The following SPSB1 variants were observed in gnomAD, a reference collection of about 807,000 sequenced individuals.
SPSB1 encodes splA/ryanodine receptor domain and SOCS box containing 1.
Under a neutral mutation model 21.2 loss-of-function variants are expected in SPSB1, and 8 were observed. The ratio of observed to expected loss-of-function variants is 0.38; its 90% CI spans 0.22 to 0.68. The LOEUF (loss-of-function observed/expected upper bound fraction) is 0.68. Ranked by LOEUF, SPSB1 falls within the 30% of genes least tolerant of loss-of-function variation. The probability of loss-of-function intolerance (pLI) is 0.53; values close to 1 mark genes in which losing one functional copy is unlikely to be tolerated. For missense variants in SPSB1, 242 were observed against 377.8 expected (o/e 0.64, Z 2.98); for synonymous variants, 169 against 161.7 (o/e 1.05, Z -0.34).
At chr1:9,351,550 G>A (rs1436203119) in intron 1 of SPSB1, 3 of 152,216 alleles carry the variant, frequency 2.0e-5, no homozygotes, top group African/African-American at 4.8e-5. Context: ...CGGCGCATGA[G>A]CTTGGAAGCT....
chr1:9,342,717 C>T (rs898698211), intron 1 of SPSB1, among the ~76,000 whole-genome samples: 1 of 152,234 alleles, frequency 6.6e-6, no homozygotes, highest in African/African-American at 2.4e-5. Context: ...GATGCAGGCA[C>T]ACATCCCGGA....
chr1:9,350,421 G>C (rs1640237862), intron 1 of SPSB1, among the ~76,000 whole-genome samples: 1 of 152,248 alleles, frequency 6.6e-6, no homozygotes, highest in East Asian at 1.9e-4. Context: ...GGTGACTAAT[G>C]CAAGAGTGTG....
chr1:9,353,719 G>A (rs1008325642), intron 1 of SPSB1, among the ~76,000 whole-genome samples: 1 of 152,102 alleles, frequency 6.6e-6, no homozygotes, highest in African/African-American at 2.4e-5. Flanking sequence ...AGGAGTTCGA[G>A]ACCAGCCTGG....
intron 1 of SPSB1, among the ~76,000 whole-genome samples, chr1:9,334,990 G>T (rs979026217): frequency 2.0e-5 from 3 of 152,170 alleles, no homozygotes; most frequent in African/African-American, 7.2e-5. Flanking sequence ...TGTGAACAAT[G>T]CTGCTATGAA....
intron 1 of SPSB1, among the ~76,000 whole-genome samples, chr1:9,354,163 G>A (rs12727816): frequency 0.15 from 22,358 of 152,102 alleles, 1,825 homozygotes; most frequent in South Asian, 0.23. Flanking sequence ...CATACTGAAG[G>A]GGGAGGCCAG....
rs946354128 is a variant in SPSB1 at position 9,345,097 on chromosome 1, T to A, written c.-149-10646T>A. Among the ~76,000 whole-genome samples, 3 of 152,040 alleles carry A rather than the reference T, an allele frequency of 2.0e-5. No individual in the cohort carries two copies. The highest frequency in any genetic ancestry group is 7.2e-5 in the African/African-American group (3 of 41,402). On this transcript the variant is annotated intron_variant, in intron 1 of 2. Coordinates refer to ENST00000328089, the MANE Select transcript of SPSB1 (RefSeq NM_025106.4). This position sits in a 1 kb window ranked among gnomAD's most constrained non-coding sequence, Gnocchi z 4.8. ...GGCCAGGCAGCCCTGAACTCTGGAG[T>A]CCCACAGGAGGCTAGGCTGGAGCGA...
At chr1:9,302,900 G>A (rs577685) in intron 1 of SPSB1, among the ~76,000 whole-genome samples, 74,418 of 151,926 alleles carry the variant, frequency 0.49, 18,353 homozygotes, top group Middle Eastern at 0.57. Context: ...CTAGGGACCC[G>A]CTAGCGAAAT....
chr1:9,342,866 G>T (rs1640112672), intron 1 of SPSB1, among the ~76,000 whole-genome samples: 1 of 152,244 alleles, frequency 6.6e-6, no homozygotes, highest in Non-Finnish European at 1.5e-5. Context: ...GCTCTCGAAG[G>T]CTCTTCACTC....
intron 1 of SPSB1, among the ~76,000 whole-genome samples, chr1:9,320,537 G>T (rs1216638255): frequency 1.3e-5 from 2 of 152,220 alleles, no homozygotes; most frequent in African/African-American, 2.4e-5. Context: ...GTGTATAGTG[G>T]CCTCGCTCCG....
At chr1:9,338,663 C>T (rs1414780388) in intron 1 of SPSB1, among the ~76,000 whole-genome samples, 1 of 152,262 alleles carries the variant, frequency 6.6e-6, no homozygotes, top group Non-Finnish European at 1.5e-5. Flanking sequence ...GTGCTGGCTT[C>T]ACCTTTGAGT....
intron 1 of SPSB1, among the ~76,000 whole-genome samples, chr1:9,342,573 C>A (rs774132359): frequency 6.6e-5 from 10 of 152,232 alleles, no homozygotes; most frequent in Non-Finnish European, 1.3e-4. Context: ...CCTCTCCCGC[C>A]TCATCCTGCC....
At position 9,346,478 on chromosome 1, in the gene SPSB1, C is replaced by T. The variant is rs912766839; in HGVS notation, c.-149-9265C>T. ...GCTACATCCCCAAAAGAGGGTGTAGCCGTTCCTTCAACAGACCTCTTCCTA... is the reference window on the plus strand; with the variant it reads ...GCTACATCCCCAAAAGAGGGTGTAGTCGTTCCTTCAACAGACCTCTTCCTA... On this transcript the variant is annotated intron_variant, in intron 1 of 2. Transcript: ENST00000328089. The surrounding 1 kb of genome is among the most constrained non-coding windows in gnomAD (Gnocchi z 4.4). Among the ~76,000 whole-genome samples, 11 of 152,186 alleles carry T rather than the reference C, an allele frequency of 7.2e-5. No individual in the cohort carries two copies. Among genetic ancestry groups the T allele is most frequent in the African/African-American group, 2.7e-4 (11 of 41,444 alleles).
At chr1:9,338,092 C>T (rs1386313326) in intron 1 of SPSB1, among the ~76,000 whole-genome samples, 1 of 152,172 alleles carries the variant, frequency 6.6e-6, no homozygotes, top group Non-Finnish European at 1.5e-5. Context: ...ATTGAGTGCT[C>T]AGATGGGGGA....
chr1:9,361,650 C>T lies in SPSB1; in HGVS notation c.694+5065C>T, dbSNP rs1193296595. 2.6e-5 allele frequency among the ~76,000 whole-genome samples: 4 copies of T among 152,266 alleles called. No homozygotes were observed. The East Asian group carries it at 7.7e-4, about 29-fold the overall frequency. On this transcript the variant is annotated intron_variant, in intron 2 of 2. Transcript: ENST00000328089. Reference sequence around the variant, plus strand: ...CTGTGCGGCCTCCCCACTGTCCAGCCTGCTGGGGCCACAGGCCCCGTGCTC... The same window carrying T: ...CTGTGCGGCCTCCCCACTGTCCAGCTTGCTGGGGCCACAGGCCCCGTGCTC...
rs1640511715 is a variant in SPSB1 at position 9,363,601 on chromosome 1, G to A, written c.695-3847G>A. Among the ~76,000 whole-genome samples, 1 of 152,158 alleles carries A rather than the reference G, an allele frequency of 6.6e-6. No homozygotes were observed. The stretch of plus-strand genomic sequence containing the variant: ...AGTCCCCATCAGGCACACGACTGGT[G>A]CCCCACAGGCCATGGCTGGGGCTGG... On this transcript the variant is annotated intron_variant, in intron 2 of 2. Transcript: ENST00000328089. The surrounding 1 kb of genome is among the most constrained non-coding windows in gnomAD (Gnocchi z 4.5).
In SPSB1 at chr1:9,348,638, G is replaced by A. The variant is rs550097839; in HGVS notation, c.-149-7105G>A. 1.6e-4 allele frequency among the ~76,000 whole-genome samples: 24 copies of A among 152,086 alleles called. No individual in the cohort carries two copies. Among genetic ancestry groups the A allele is most frequent in the Non-Finnish European group, 2.5e-4 (17 of 68,010 alleles). ...AGCCCACGAAACTGGAGGGATTTGC[G>A]AGGTTCTTTTCTTCCTTCCTACTAA... On this transcript the variant is annotated intron_variant, in intron 1 of 2. Transcript: ENST00000328089. This position sits in a 1 kb window ranked among gnomAD's most constrained non-coding sequence, Gnocchi z 4.8.
chr1:9,306,976 A>AG (rs1191556911), intron 1 of SPSB1, among the ~76,000 whole-genome samples: 4 of 144,570 alleles, frequency 2.8e-5, no homozygotes, highest in African/African-American at 1.0e-4. Flanking sequence ...CATTCAGGCT[A>AG]GGGTGCAGCG....
intron 2 of SPSB1, among the ~76,000 whole-genome samples, chr1:9,361,156 C>CCCTTTTTTTTTTTTTTTTTTT (rs1553128958): frequency 1.9e-5 from 2 of 102,578 alleles, no homozygotes; most frequent in East Asian, 5.8e-4. Flanking sequence ...CTGTCATTTT[C>CCCTTTTTTTTTTTTTTTTTTT]TTTTTTTTTT....
At chr1:9,316,840 C>T (rs1458859984) in intron 1 of SPSB1, among the ~76,000 whole-genome samples, 2 of 152,182 alleles carry the variant, frequency 1.3e-5, no homozygotes, top group Non-Finnish European at 2.9e-5. Context: ...TCTCCCTGCT[C>T]CTATGACCTG....
Sources: gnomAD v4.1 joint callset for allele counts (sites outside exome capture counted in the v4.1 genomes callset) on GRCh38, gnomAD v4.1.1 for gene constraint, Gnocchi (gnomAD v3.1) non-coding constraint, MANE v1.5 for transcripts, NCBI Gene and HGNC (gene_info 2026-07-23, HGNC 2026-07-21) for gene names.